PEPD: variants seen among roughly 807,000 people sequenced by gnomAD.
PEPD encodes peptidase D.
Under a neutral mutation model 60.7 loss-of-function variants are expected in PEPD, and 53 were observed. The observed-to-expected ratio is 0.87, with a 90% CI of 0.70 to 1.10. PEPD has a LOEUF of 1.10. PEPD is among the 50% of genes least tolerant of loss of function. The probability of loss-of-function intolerance (pLI) is 0.00; values close to 1 mark genes in which losing one functional copy is unlikely to be tolerated. For missense variants in PEPD, 711 were observed against 711.9 expected (o/e 1.00, Z 0.01); for synonymous variants, 267 against 284.1 (o/e 0.94, Z 0.60).
At chr19:33,439,320 A>G (rs1955304350) in intron 9 of PEPD, among the ~76,000 whole-genome samples, 2 of 152,104 alleles carry the variant, frequency 1.3e-5, no homozygotes, top group Non-Finnish European at 2.9e-5. Flanking sequence ...ACCTGAGCCG[A>G]GGGGTCCTGG....
chr19:33,395,366 G>A (rs1417468735), intron 12 of PEPD, among the ~76,000 whole-genome samples: 1 of 152,172 alleles, frequency 6.6e-6, no homozygotes. Flanking sequence ...TGGAAGGAGA[G>A]GAGCCCCAGC....
chr19:33,501,509 T>C (rs1404408295), intron 3 of PEPD, among the ~76,000 whole-genome samples: 1 of 152,050 alleles, frequency 6.6e-6, no homozygotes, highest in South Asian at 2.1e-4. Context: ...TGAAACCCCA[T>C]CTCTACTAAA....
At chr19:33,503,588 CA>C (rs1425788798) in intron 3 of PEPD, among the ~76,000 whole-genome samples, 1 of 152,198 alleles carries the variant, frequency 6.6e-6, no homozygotes, top group Non-Finnish European at 1.5e-5. Context: ...TGAGCAACCA[CA>C]CTCTCAGCAC....
At chr19:33,466,459 A>C (rs1481124673) in intron 7 of PEPD, among the ~76,000 whole-genome samples, 1 of 152,236 alleles carries the variant, frequency 6.6e-6, no homozygotes, top group Admixed American at 6.5e-5. Context: ...TATTCTGGCA[A>C]ATGTTTTAAA....
At chr19:33,428,057 A>C (rs777372227) in intron 9 of PEPD, among the ~76,000 whole-genome samples, 11 of 152,128 alleles carry the variant, frequency 7.2e-5, no homozygotes, top group Non-Finnish European at 1.2e-4. Flanking sequence ...TTGAAGACAG[A>C]AGTGGTCGTT....
intron 9 of PEPD, among the ~76,000 whole-genome samples, chr19:33,444,196 C>T (rs2287821): frequency 0.51 from 77,946 of 151,960 alleles, 20,262 homozygotes; most frequent in African/African-American, 0.57. Flanking sequence ...GAGAGGGGTG[C>T]GTGCAATAAG....
intron 12 of PEPD, among the ~76,000 whole-genome samples, chr19:33,399,070 G>A (rs755511471): frequency 1.3e-5 from 2 of 152,046 alleles, no homozygotes; most frequent in Non-Finnish European, 2.9e-5. Flanking sequence ...TGCAACCTCC[G>A]CCTCCTAGGT....
In PEPD at chr19:33,495,518, T is replaced by G. The variant is rs1207946384; in HGVS notation, c.394-2181A>C. The stretch of plus-strand genomic sequence containing the variant: ...TCTGTCTCAAAAAAAAAAAAAAAAA[T>G]TAAATGCCTTTAAAACTGTTGGGTC... On this transcript the variant is annotated intron_variant, in intron 4 of 14. Transcript: ENST00000244137. Among the ~76,000 whole-genome samples the G allele has an allele frequency of 5.3e-5, 8 of 150,104 alleles. No individual in the cohort carries two copies. In the South Asian group the frequency reaches 1.7e-3, roughly 32 times the overall value.
intron 7 of PEPD, among the ~76,000 whole-genome samples, chr19:33,475,966 C>T (rs1186076023): frequency 3.3e-5 from 5 of 152,172 alleles, no homozygotes; most frequent in Admixed American, 6.5e-5. Flanking sequence ...CTCAAGCGAT[C>T]CTCCTGCCTC....
At position 33,401,847 on chromosome 19, in the gene PEPD, A is replaced by C; in HGVS notation, c.841T>G (p.Tyr281Asp). 6.2e-7 allele frequency: 1 copy of C among 1,612,992 alleles called. No homozygotes were observed. The highest frequency in any genetic ancestry group is 1.3e-5 in the African/African-American group (1 of 74,978). Residue 281 changes from tyrosine to aspartate, a missense_variant, in exon 12 of 15, where the codon TAT becomes GAT. Tyr to Asp is a radical substitution (Grantham distance 160). Coordinates refer to ENST00000244137, the MANE Select transcript of PEPD (RefSeq NM_000285.4). ...GTGATGTCGGAAGCGAAGCAGTAAT[A>C]CTCACCGCCCATGTCGAACAGGCTG... ...DMCLFDMGGE[Y>D]YCFASDITCS...
chr19:33,513,413 C>T (rs1316163276), intron 1 of PEPD, among the ~76,000 whole-genome samples: 3 of 152,206 alleles, frequency 2.0e-5, no homozygotes, highest in African/African-American at 7.2e-5. Context: ...CCTCCCCAGC[C>T]TCCCCCGACA....
At chr19:33,511,514 C>T (rs552190320) in intron 2 of PEPD, 9 of 350,166 alleles carry the variant, frequency 2.6e-5, no homozygotes, top group East Asian at 2.2e-4. Context: ...AGACGCCCCC[C>T]GGATTCTGAC....
chr19:33,421,911 G>A (rs1367591681), intron 9 of PEPD, among the ~76,000 whole-genome samples: 1 of 152,050 alleles, frequency 6.6e-6, no homozygotes, highest in Non-Finnish European at 1.5e-5. Context: ...GGCGATGGTG[G>A]CTGGGGATGG....
chr19:33,470,735 A>G (rs561918852), intron 7 of PEPD, among the ~76,000 whole-genome samples: 1 of 152,146 alleles, frequency 6.6e-6, no homozygotes, highest in Non-Finnish European at 1.5e-5. Flanking sequence ...CAACAAGGAG[A>G]GCTGATGGCC....
chr19:33,474,796 C>A lies in PEPD; in HGVS notation c.548+3250G>T, dbSNP rs190496940. Reference sequence around the variant, plus strand: ...AGGAGTTCGAGGCCAGCCTGGGCAACACAGGAGACCCCATCTCTACAAAAA... The same window carrying A: ...AGGAGTTCGAGGCCAGCCTGGGCAAAACAGGAGACCCCATCTCTACAAAAA... On this transcript the variant is annotated intron_variant, in intron 7 of 14. Coordinates refer to ENST00000244137, the MANE Select transcript of PEPD (RefSeq NM_000285.4). Among the ~76,000 whole-genome samples, 129 of 152,120 alleles carry A rather than the reference C, an allele frequency of 8.5e-4. 2 individuals are homozygous for A. The highest frequency in any genetic ancestry group is 5.3e-3 in the Admixed American group (81 of 15,282).
rs145157117 is a variant in PEPD at position 33,510,238 on chromosome 19, G to C, written c.329+790C>G. On this transcript the variant is annotated intron_variant, in intron 3 of 14. Transcript: ENST00000244137. ...GAGGAACACCAGGGTTCTTGGTCTC[G>C]AGTTGAATTAGAGAAAACGACATGG... is the stretch of plus-strand genomic sequence containing the variant. Among the ~76,000 whole-genome samples the C allele has an allele frequency of 3.3e-5, 5 of 152,350 alleles. No individual in the cohort carries two copies. In the East Asian group the frequency reaches 5.8e-4, roughly 18 times the overall value.
chr19:33,465,529 G>A (rs1358931925), intron 7 of PEPD, among the ~76,000 whole-genome samples: 1 of 151,896 alleles, frequency 6.6e-6, no homozygotes, highest in Non-Finnish European at 1.5e-5. Context: ...ATCTCTGGGG[G>A]CCACTCCAGC....
At position 33,411,754 on chromosome 19, in the gene PEPD, A is replaced by G. The variant is rs1370857981; in HGVS notation, c.741-5T>C. ...AGCACGGCTGAGTTCTCACCACTGC[A>G]AAGAGCCGGGGGAGGGTGATCAAAG... On this transcript the variant is annotated splice_polypyrimidine_tract_variant and splice_region_variant and intron_variant, in intron 10 of 14. Transcript: ENST00000244137. 1.3e-6 allele frequency: 2 copies of G among 1,590,994 alleles called. No individual in the cohort carries two copies. The highest frequency in any genetic ancestry group is 1.3e-5 in the African/African-American group (1 of 74,444).
chr19:33,448,051 G>A (rs375959210), intron 9 of PEPD, among the ~76,000 whole-genome samples: 1 of 152,310 alleles, frequency 6.6e-6, no homozygotes, highest in Non-Finnish European at 1.5e-5. Flanking sequence ...CAGGTATGGA[G>A]ACAGCCCTTC....
Sources: allele counts gnomAD v4.1 joint callset (sites outside exome capture counted in the v4.1 genomes callset), GRCh38; gene constraint gnomAD v4.1.1; transcripts MANE v1.5; gene names NCBI Gene and HGNC (gene_info 2026-07-23, HGNC 2026-07-21).